FILIP1L: variants seen among roughly 807,000 people sequenced by gnomAD.
FILIP1L encodes filamin A-interacting protein 1-like.
FILIP1L carries 55 observed loss-of-function variants against 96.6 expected under a neutral mutation model. The observed-to-expected ratio is 0.57, with a 90% CI of 0.46 to 0.71. FILIP1L has a LOEUF of 0.71. FILIP1L is among the 30% of genes least tolerant of loss of function. FILIP1L has a pLI of 0.00. For synonymous variants in FILIP1L, 467 were observed against 473.9 expected, an observed-to-expected ratio of 0.99 and a Z score of 0.19; for missense variants, 1,304 against 1,321.2, an observed-to-expected ratio of 0.99 and a Z score of 0.20.
chr3:100,019,587 C>T lies in FILIP1L; in HGVS notation c.-10-88557G>A, dbSNP rs181383222. Among the ~76,000 whole-genome samples, 71 of 152,158 alleles carry T rather than the reference C, an allele frequency of 4.7e-4. 1 individual carries two copies. In the East Asian group the frequency reaches 0.013, roughly 29 times the overall value. On this transcript the variant is annotated intron_variant, in intron 1 of 5. Coordinates refer to ENST00000477258, the MANE Select transcript of FILIP1L (RefSeq NM_001387850.1). ...TGTTCTATTTTAATGTATTTAAAGACAGTAGTAGATACTTTTTTCCTCTAA... is the reference window on the plus strand; with the variant it reads ...TGTTCTATTTTAATGTATTTAAAGATAGTAGTAGATACTTTTTTCCTCTAA...
At chr3:100,009,905 C>G (rs1478839200) in intron 1 of FILIP1L, among the ~76,000 whole-genome samples, 1 of 152,152 alleles carries the variant, frequency 6.6e-6, no homozygotes. Flanking sequence ...AAAGTAAATA[C>G]CACTTTCTTT....
At chr3:100,034,535 G>C (rs112225941) in intron 1 of FILIP1L, among the ~76,000 whole-genome samples, 6 of 152,304 alleles carry the variant, frequency 3.9e-5, no homozygotes, top group African/African-American at 1.2e-4. Flanking sequence ...CTAAATAATA[G>C]AGGAAATTAT....
At chr3:100,039,495 AT>A (rs1020535404) in intron 1 of FILIP1L, among the ~76,000 whole-genome samples, 1 of 152,190 alleles carries the variant, frequency 6.6e-6, no homozygotes, top group Non-Finnish European at 1.5e-5. Context: ...AGTAAAATTT[AT>A]TTCAAATTAG....
chr3:99,849,357 C>G lies in FILIP1L; in HGVS notation c.2319G>C (p.Arg773Ser), dbSNP rs1324802434. The G allele has an allele frequency of 6.2e-7, 1 of 1,613,992 alleles. No individual in the cohort carries two copies. The highest frequency in any genetic ancestry group is 8.5e-7 in the Non-Finnish European group (1 of 1,180,030). Residue 773 changes from arginine (R) to serine (S), a missense_variant, in exon 5 of 6, where the codon AGG becomes AGC. By Grantham distance (110) the Arg-to-Ser change is moderately radical. Coordinates refer to ENST00000477258, the MANE Select transcript of FILIP1L (RefSeq NM_001387850.1). ...TGAGGCTCTTACTGAAATGCCGGTA[C>G]CTCTCTAACTCCTTAGTGAGGTTTT... The part of the protein sequence containing the change: ...EIENLTKELE[R>S]YRHFSKSLRP...
chr3:100,070,891 A>G (rs2065750104), intron 1 of FILIP1L, among the ~76,000 whole-genome samples: 1 of 152,160 alleles, frequency 6.6e-6, no homozygotes, highest in Admixed American at 6.5e-5. Context: ...TTGACCTCCC[A>G]AAGTGCTAGG....
At chr3:99,885,714 G>C (rs961017781) in intron 4 of FILIP1L, among the ~76,000 whole-genome samples, 4 of 152,114 alleles carry the variant, frequency 2.6e-5, no homozygotes, top group Admixed American at 6.5e-5. Context: ...TTGAAACTTT[G>C]TGGAACAGAT....
chr3:100,011,435 C>T (rs993780627), intron 1 of FILIP1L, among the ~76,000 whole-genome samples: 9 of 152,144 alleles, frequency 5.9e-5, no homozygotes, highest in Admixed American at 5.2e-4. Context: ...TAATTTAAAA[C>T]ACCCAGAGGA....
chr3:99,933,153 A>G (rs537915609), intron 1 of FILIP1L, among the ~76,000 whole-genome samples: 1 of 152,342 alleles, frequency 6.6e-6, no homozygotes, highest in East Asian at 1.9e-4. Flanking sequence ...TCAGGGACCC[A>G]CACTCTTAAA....
chr3:100,062,726 A>C (rs1355015258), intron 1 of FILIP1L, among the ~76,000 whole-genome samples: 1 of 152,210 alleles, frequency 6.6e-6, no homozygotes, highest in African/African-American at 2.4e-5. Context: ...TAAAGAAATA[A>C]ACTCTTTGTC....
At chr3:100,019,674 A>G (rs1374610546) in intron 1 of FILIP1L, among the ~76,000 whole-genome samples, 1 of 152,100 alleles carries the variant, frequency 6.6e-6, no homozygotes, top group East Asian at 1.9e-4. Context: ...TTCTATGTAA[A>G]ACTCTTCTCT....
At chr3:99,973,741 T>C (rs1018055829) in intron 1 of FILIP1L, among the ~76,000 whole-genome samples, 45 of 152,296 alleles carry the variant, frequency 3.0e-4, no homozygotes, top group Non-Finnish European at 1.6e-4. Context: ...CTCACTTTTT[T>C]CCCCCAGTTT....
intron 1 of FILIP1L, among the ~76,000 whole-genome samples, chr3:100,021,585 T>C (rs1262322020): frequency 6.6e-6 from 1 of 152,234 alleles, no homozygotes; most frequent in Non-Finnish European, 1.5e-5. Context: ...GCAAAGTCTG[T>C]ACTGTGACCC....
intron 1 of FILIP1L, among the ~76,000 whole-genome samples, chr3:100,019,097 G>T (rs1710429529): frequency 6.6e-6 from 1 of 152,196 alleles, no homozygotes; most frequent in South Asian, 2.1e-4. Flanking sequence ...TCAAGGGAAT[G>T]TAAATTGATA....
At chr3:99,938,404 C>G (rs1403831242) in intron 1 of FILIP1L, among the ~76,000 whole-genome samples, 1 of 152,162 alleles carries the variant, frequency 6.6e-6, no homozygotes, top group Non-Finnish European at 1.5e-5. Flanking sequence ...GTTTTGATGG[C>G]AAGAAGACTG....
Position 99,900,082 on chromosome 3 carries a change from A to G in FILIP1L, c.605+24148T>C, listed in dbSNP as rs565727933. 2.6e-5 allele frequency among the ~76,000 whole-genome samples: 4 copies of G among 152,372 alleles called. No individual in the cohort carries two copies. The South Asian group carries it at 8.3e-4, about 32-fold the overall frequency. On this transcript the variant is annotated intron_variant, in intron 4 of 5. Coordinates refer to ENST00000477258, the MANE Select transcript of FILIP1L (RefSeq NM_001387850.1). ...GATTTGAAAAGTTAGTATGTAATAC[A>G]TATCTAGAACAGTGTTTCACACATA...
chr3:99,841,995 GA>G (rs1456847819), intron 5 of FILIP1L, among the ~76,000 whole-genome samples: 2 of 152,144 alleles, frequency 1.3e-5, no homozygotes, highest in African/African-American at 4.8e-5. Context: ...CTGCCCAGAG[GA>G]AAAGAAGTCA....
chr3:100,064,915 CA>C (rs1185915795), intron 1 of FILIP1L, among the ~76,000 whole-genome samples: 4 of 152,170 alleles, frequency 2.6e-5, no homozygotes, highest in Admixed American at 2.6e-4. Context: ...GACTAACAAA[CA>C]TGTATTGCTG....
chr3:99,909,897 C>A (rs1706738878), intron 4 of FILIP1L, among the ~76,000 whole-genome samples: 1 of 152,114 alleles, frequency 6.6e-6, no homozygotes, highest in Non-Finnish European at 1.5e-5. Context: ...GTGAACCCTT[C>A]ATATTCAGAG....
intron 1 of FILIP1L, among the ~76,000 whole-genome samples, chr3:99,993,323 A>T (rs144532267): frequency 6.6e-6 from 1 of 152,050 alleles, no homozygotes; most frequent in East Asian, 1.9e-4. Flanking sequence ...AACTTCTTTC[A>T]GTTTTGGAGC....
Sources: gnomAD v4.1 joint callset for allele counts (sites outside exome capture counted in the v4.1 genomes callset) on GRCh38, gnomAD v4.1.1 for gene constraint, MANE v1.5 for transcripts, NCBI Gene and HGNC (gene_info 2026-07-23, HGNC 2026-07-21) for gene names.